FGFR1: variants seen among roughly 807,000 people sequenced by gnomAD.
The protein encoded by FGFR1 is fibroblast growth factor receptor 1.
A neutral mutation model predicts 93.7 loss-of-function variants in FGFR1; 18 were observed. The observed-to-expected ratio is 0.19, with a 90% CI of 0.13 to 0.28. FGFR1 has a LOEUF of 0.28. Among genes scored for constraint, FGFR1 ranks in the 10% least tolerant of loss-of-function variants. FGFR1 has a pLI of 1.00. For synonymous variants in FGFR1, 448 were observed against 429.3 expected, an observed-to-expected ratio of 1.04 and a Z score of -0.54; for missense variants, 731 against 1,080.4, an observed-to-expected ratio of 0.68 and a Z score of 4.53.
In FGFR1 at chr8:38,438,836, G is replaced by A. The variant is rs1003758979; in HGVS notation, c.92-8888C>T. Among the ~76,000 whole-genome samples the A allele has an allele frequency of 4.6e-5, 7 of 152,080 alleles. No homozygotes were observed. In the South Asian group the frequency reaches 1.2e-3, roughly 27 times the overall value. On this transcript the variant is annotated intron_variant, in intron 2 of 17. Transcript: ENST00000447712. ...CACCCCCTGCATCCTACCTCCTCCCGTGAGATTCTGAAGTTGGTTGCTTTG... is the reference window on the plus strand; with the variant it reads ...CACCCCCTGCATCCTACCTCCTCCCATGAGATTCTGAAGTTGGTTGCTTTG...
intron 3 of FGFR1, chr8:38,428,740 G>A: frequency 9.3e-6 from 4 of 430,596 alleles, no homozygotes; most frequent in South Asian, 4.3e-5. Flanking sequence ...TCAACTTGTG[G>A]TGCCACCTGG....
chr8:38,431,708 A>G (rs192783388), intron 2 of FGFR1, among the ~76,000 whole-genome samples: 15 of 152,302 alleles, frequency 9.8e-5, no homozygotes, highest in African/African-American at 3.4e-4. Context: ...TTTATCTTAA[A>G]TAAGAGTTGT....
At chr8:38,418,547 G>A (rs975995456) in intron 9 of FGFR1, 174 bp from the exon 10 acceptor site, 2 of 709,710 alleles carry the variant, frequency 2.8e-6, no homozygotes, top group African/African-American at 1.8e-5. Context: ...CCAACTTCTA[G>A]GACTGACCTA....
chr8:38,441,372 T>C (rs985308458), intron 2 of FGFR1, among the ~76,000 whole-genome samples: 1 of 152,154 alleles, frequency 6.6e-6, no homozygotes, highest in African/African-American at 2.4e-5. Flanking sequence ...GGGAGTTCAC[T>C]ACCTCACTGG....
At chr8:38,463,314 T>C (rs1443877331) in intron 1 of FGFR1, 1 of 182,484 alleles carries the variant, frequency 5.5e-6, no homozygotes, top group African/African-American at 2.4e-5. Context: ...GCCCTTCCCT[T>C]TTCTCTGAAC....
chr8:38,419,139 C>A (rs1056342215), intron 9 of FGFR1, among the ~76,000 whole-genome samples: 1 of 152,156 alleles, frequency 6.6e-6, no homozygotes, highest in Non-Finnish European at 1.5e-5. Context: ...TGTAAATTGC[C>A]CGGTCTTGGG....
At chr8:38,448,133 T>C (rs1484704637) in intron 2 of FGFR1, among the ~76,000 whole-genome samples, 2 of 152,166 alleles carry the variant, frequency 1.3e-5, no homozygotes, top group East Asian at 3.8e-4. Flanking sequence ...TTTACATAAA[T>C]GCAAGAAAAA....
chr8:38,454,065 T>C (rs1376226755), intron 2 of FGFR1, among the ~76,000 whole-genome samples: 1 of 152,152 alleles, frequency 6.6e-6, no homozygotes. Context: ...TCTTCCTGGG[T>C]ACATGGCTCC....
rs757022668 is a variant in FGFR1 at position 38,427,903 on chromosome 8, G to T, written c.621+18C>A. On this transcript the variant is annotated intron_variant, in intron 5 of 17. Coordinates refer to ENST00000447712, the MANE Select transcript of FGFR1 (RefSeq NM_023110.3). ...CCCTGTTCCCATTACTCTAACTTTCGCATGCACACACACGTACCTTGTAGC... is the reference window on the plus strand; with the variant it reads ...CCCTGTTCCCATTACTCTAACTTTCTCATGCACACACACGTACCTTGTAGC... 6.2e-7 allele frequency: 1 copy of T among 1,614,018 alleles called. No individual in the cohort carries two copies. The highest frequency in any genetic ancestry group is 1.3e-5 in the African/African-American group (1 of 74,998).
intron 1 of FGFR1, among the ~76,000 whole-genome samples, chr8:38,462,231 C>A (rs1462601544): frequency 6.6e-6 from 1 of 152,112 alleles, no homozygotes; most frequent in Non-Finnish European, 1.5e-5. Flanking sequence ...ATTGGCCAGG[C>A]GCGGTGGCTC....
At chr8:38,441,790 C>G (rs1182386576) in intron 2 of FGFR1, among the ~76,000 whole-genome samples, 1 of 152,190 alleles carries the variant, frequency 6.6e-6, no homozygotes, top group Non-Finnish European at 1.5e-5. Context: ...GTGGTGAAGA[C>G]AGAAACTCCT....
Position 38,414,232 on chromosome 8 carries a change from G to T in FGFR1, c.2106C>A (p.Pro702=), listed in dbSNP as rs777061347. The change falls in exon 16 of 18, where the codon CCC becomes CCA. Residue 702 remains proline (P), a synonymous_variant. Transcript: ENST00000447712. ...EIFTLGGSPY[P]GVPVEELFKL... ...TGAAAAGTTCCTCCACAGGCACACC[G>T]GGGTATGGGGAGCCGCCCAGAGTGA... 1.2e-6 allele frequency: 2 copies of T among 1,614,128 alleles called. No individual in the cohort carries two copies. The highest frequency in any genetic ancestry group is 8.5e-7 in the Non-Finnish European group (1 of 1,180,018).
At chr8:38,432,410 ATTTTTTTTTT>A (rs34918365) in intron 2 of FGFR1, among the ~76,000 whole-genome samples, 1 of 135,936 alleles carries the variant, frequency 7.4e-6, no homozygotes, top group Non-Finnish European at 1.6e-5. Context: ...CTCGGGATAA[ATTTTTTTTTT>A]TTTTTTTTTT....
At chr8:38,466,766 A>G (rs1326067149) in intron 1 of FGFR1, 4 of 202,502 alleles carry the variant, frequency 2.0e-5, no homozygotes, top group Non-Finnish European at 3.0e-5. Flanking sequence ...GGTGAAACGG[A>G]ACCAGATGCG....
rs2150756520 is a variant in FGFR1, at chr8:38,421,882, G to A, written c.996C>T (p.Ser332=). The part of the protein sequence containing the change: ...EMEVLHLRNV[S]FEDAGEYTCL... ...ACGTATACTCCCCTGCGTCCTCAAA[G>A]GAGACATTTCTTAAGTGAAGCACCT... The change falls in exon 8 of 18, where the codon TCC becomes TCT. Residue 332 remains serine, a synonymous_variant. Coordinates refer to ENST00000447712, the MANE Select transcript of FGFR1 (RefSeq NM_023110.3). 5 of 1,614,136 alleles carry A rather than the reference G, an allele frequency of 3.1e-6. No homozygotes were observed. In the South Asian group the frequency reaches 5.5e-5, roughly 18 times the overall value.
At chr8:38,458,781 C>T (rs750504300) in intron 1 of FGFR1, 11 of 219,880 alleles carry the variant, frequency 5.0e-5, no homozygotes, top group Middle Eastern at 1.4e-3. Flanking sequence ...TAAAATTGTA[C>T]GAATCACATC....
chr8:38,451,042 G>A (rs1394544465), intron 2 of FGFR1, among the ~76,000 whole-genome samples: 1 of 152,152 alleles, frequency 6.6e-6, no homozygotes, highest in African/African-American at 2.4e-5. Flanking sequence ...ATCCTCTGGG[G>A]AAACCTGTTA....
chr8:38,419,473 G>C lies in FGFR1; in HGVS notation c.1284+60C>G, dbSNP rs1817915822. The C allele has an allele frequency of 2.1e-6, 3 of 1,448,528 alleles. No homozygotes were observed. In the Admixed American group the frequency reaches 5.0e-5, roughly 24 times the overall value. The allele number at this position is 1,448,528 out of a possible 1,614,324, so 89.7% of individuals were successfully genotyped here. ...TAAATTAGGGACAATGGAGAGGGCA[G>C]GGCATTAGAGGCCCAGAGAGAGAGG... On this transcript the variant is annotated intron_variant, in intron 9 of 17. Transcript: ENST00000447712.
rs2150521528 is a variant in FGFR1, at chr8:38,413,975, G to A, written c.2235C>T (p.Pro745=). 6.2e-7 allele frequency: 1 copy of A among 1,614,122 alleles called. No individual in the cohort carries two copies. Among genetic ancestry groups the A allele is most frequent in the Non-Finnish European group, 8.5e-7 (1 of 1,179,998 alleles). ...DCWHAVPSQR[P]TFKQLVEDLD... The stretch of plus-strand genomic sequence containing the variant: ...GGTCTTCCACCAGCTGCTTGAAGGT[G>A]GGTCTCTGTGAGGGCACTGCATGCC... Residue 745 remains proline, a synonymous_variant, in exon 17 of 18, where the codon CCC becomes CCT. Transcript: ENST00000447712. This position sits in a 1 kb window ranked among gnomAD's most constrained non-coding sequence, Gnocchi z 4.2.
Sources: allele counts gnomAD v4.1 joint callset (sites outside exome capture counted in the v4.1 genomes callset), GRCh38; gene constraint gnomAD v4.1.1; non-coding constraint Gnocchi (gnomAD v3.1); transcripts MANE v1.5; gene names NCBI Gene and HGNC (gene_info 2026-07-23, HGNC 2026-07-21).